The following CADPS2 variants were observed in gnomAD, a reference collection of about 807,000 sequenced individuals.
CADPS2 encodes the protein calcium-dependent secretion activator 2.
Under a neutral mutation model 172.5 loss-of-function variants are expected in CADPS2, and 93 were observed. The observed-to-expected ratio is 0.54, with a 90% CI of 0.46 to 0.64. The LOEUF (loss-of-function observed/expected upper bound fraction) is 0.64. Among genes scored for constraint, CADPS2 ranks in the 30% least tolerant of loss-of-function variants. The pLI is 0.00. For synonymous variants in CADPS2, 546 were observed against 555.2 expected, an observed-to-expected ratio of 0.98 and a Z score of 0.23; for missense variants, 1,420 against 1,565.9, an observed-to-expected ratio of 0.91 and a Z score of 1.57.
chr7:122,445,085 A>G (rs960287463), intron 15 of CADPS2, among the ~76,000 whole-genome samples: 4 of 152,190 alleles, frequency 2.6e-5, no homozygotes, highest in Non-Finnish European at 5.9e-5. Context: ...CTACTTTTGG[A>G]CTTTCAGTAG....
intron 6 of CADPS2, among the ~76,000 whole-genome samples, chr7:122,608,213 T>TAAAA (rs59329850): frequency 2.1e-5 from 3 of 140,708 alleles, no homozygotes; most frequent in African/African-American, 5.1e-5. Flanking sequence ...AGACTCCGTC[T>TAAAA]AAAAAAAAAA....
intron 19 of CADPS2, chr7:122,412,943 T>C (rs1165300067): frequency 6.6e-6 from 1 of 152,216 alleles, no homozygotes; most frequent in Non-Finnish European, 1.5e-5. Context: ...GGTTCAAATC[T>C]GTCAGCAGAA....
At chr7:122,391,494 G>A (rs1467902320) in intron 22 of CADPS2, among the ~76,000 whole-genome samples, 1 of 152,030 alleles carries the variant, frequency 6.6e-6, no homozygotes, top group Non-Finnish European at 1.5e-5. Context: ...AAGAAAAGGA[G>A]TTAAATTATA....
chr7:122,541,272 C>T (rs2062896392), intron 8 of CADPS2, among the ~76,000 whole-genome samples: 1 of 149,014 alleles, frequency 6.7e-6, no homozygotes, highest in East Asian at 2.0e-4. Flanking sequence ...TCTCGGCTCA[C>T]TGCAACCTCC....
At chr7:122,678,007 G>A (rs1337441700) in intron 2 of CADPS2, among the ~76,000 whole-genome samples, 2 of 152,150 alleles carry the variant, frequency 1.3e-5, no homozygotes, top group Non-Finnish European at 2.9e-5. Context: ...ATCATTGTAT[G>A]TCTCTCTTGT....
At chr7:122,830,670 G>C (rs1277230362) in intron 1 of CADPS2, among the ~76,000 whole-genome samples, 1 of 152,158 alleles carries the variant, frequency 6.6e-6, no homozygotes, top group East Asian at 1.9e-4. Context: ...AGGTTATTCT[G>C]AGAACAAACA....
chr7:122,884,949 C>T (rs1823919588), intron 1 of CADPS2, among the ~76,000 whole-genome samples: 1 of 152,212 alleles, frequency 6.6e-6, no homozygotes, highest in South Asian at 2.1e-4. Flanking sequence ...ATGCCTCACA[C>T]ACTGAAGTTA....
rs1288084920 is a variant in CADPS2 at position 122,548,493 on chromosome 7, A to C, written c.1475+6057T>G. On this transcript the variant is annotated intron_variant, in intron 8 of 29. Coordinates refer to ENST00000449022, the MANE Select transcript of CADPS2 (RefSeq NM_017954.11). ...CCTGGTATGTAAATCTAATGAGATC[A>C]ACAATGTATCATAAAACTTGACAAA... Among the ~76,000 whole-genome samples, 5 of 152,358 alleles carry C rather than the reference A, an allele frequency of 3.3e-5. No individual in the cohort carries two copies. The South Asian group carries it at 1.0e-3, about 32-fold the overall frequency.
intron 17 of CADPS2, among the ~76,000 whole-genome samples, chr7:122,431,604 C>G (rs968200542): frequency 6.6e-6 from 1 of 152,144 alleles, no homozygotes; most frequent in Non-Finnish European, 1.5e-5. Context: ...GGCTCTGAAC[C>G]TCCCACTTAC....
chr7:122,885,849 G>A lies in CADPS2; in HGVS notation c.339+150C>T, dbSNP rs1824219543. The A allele has an allele frequency of 1.2e-5, 12 of 983,022 alleles. No homozygotes were observed. In the South Asian group the frequency reaches 1.7e-4, roughly 14 times the overall value. 60.9% of individuals were successfully genotyped at this position (983,022 alleles called of 1,614,324 possible). On this transcript the variant is annotated intron_variant, in intron 1 of 29. Transcript: ENST00000449022. ...CGCATACCCGGCGGGTGAAAGCACC[G>A]TCTTGTCCCCAAAGATTCCTCTGCC... is the stretch of plus-strand genomic sequence containing the variant.
chr7:122,673,916 GGGGT>G (rs2082129897), intron 2 of CADPS2, among the ~76,000 whole-genome samples: 1 of 152,064 alleles, frequency 6.6e-6, no homozygotes, highest in Non-Finnish European at 1.5e-5. Flanking sequence ...GCGGGGGGTG[GGGGT>G]GGGGGTTGGT....
At chr7:122,525,340 C>T (rs1026179308) in intron 8 of CADPS2, among the ~76,000 whole-genome samples, 1 of 152,068 alleles carries the variant, frequency 6.6e-6, no homozygotes, top group East Asian at 1.9e-4. Flanking sequence ...AACTTATTTA[C>T]AAAGGTACCT....
intron 3 of CADPS2, among the ~76,000 whole-genome samples, chr7:122,648,607 C>T (rs1588121586): frequency 6.6e-6 from 1 of 152,066 alleles, no homozygotes; most frequent in Admixed American, 6.6e-5. Flanking sequence ...TCATACTATG[C>T]TTAATATAAA....
chr7:122,438,813 G>A (rs1162056012), intron 16 of CADPS2, among the ~76,000 whole-genome samples: 3 of 151,894 alleles, frequency 2.0e-5, no homozygotes, highest in Non-Finnish European at 2.9e-5. Context: ...TACAGTTCTC[G>A]GGACAAATAA....
intron 27 of CADPS2, among the ~76,000 whole-genome samples, chr7:122,354,570 C>CT (rs968215893): frequency 1.3e-5 from 2 of 151,336 alleles, no homozygotes; most frequent in African/African-American, 2.4e-5. Context: ...GTGAGCAAAA[C>CT]TTTTTTTTTG....
chr7:122,527,617 A>AGAGAGAGAGAGAGAGAGAGAGGGTGT, intron 8 of CADPS2, among the ~76,000 whole-genome samples: 1 of 83,806 alleles, frequency 1.2e-5, no homozygotes, highest in Non-Finnish European at 2.6e-5. Context: ...AGAGAGAGAG[A>AGAGAGAGAGAGAGAGAGAGAGGGTGT]GTGTGTGTGT....
At chr7:122,464,353 G>A (rs1011697500) in intron 14 of CADPS2, among the ~76,000 whole-genome samples, 3 of 152,168 alleles carry the variant, frequency 2.0e-5, no homozygotes, top group Non-Finnish European at 4.4e-5. Flanking sequence ...GAATCTATAC[G>A]GATATAAACA....
intron 2 of CADPS2, among the ~76,000 whole-genome samples, chr7:122,676,999 G>A (rs1383086549): frequency 1.3e-5 from 2 of 152,098 alleles, no homozygotes; most frequent in African/African-American, 4.8e-5. Context: ...TCCAGTAAAA[G>A]GACACACTTG....
At chr7:122,772,130 G>A (rs1233751819) in intron 1 of CADPS2, among the ~76,000 whole-genome samples, 2 of 152,206 alleles carry the variant, frequency 1.3e-5, no homozygotes, top group East Asian at 3.8e-4. Context: ...GAATGTTAAT[G>A]TAATACTGCT....
Sources: gnomAD v4.1 joint callset for allele counts (sites outside exome capture counted in the v4.1 genomes callset) on GRCh38, gnomAD v4.1.1 for gene constraint, MANE v1.5 for transcripts, NCBI Gene and HGNC (gene_info 2026-07-23, HGNC 2026-07-21) for gene names.